Variants in CALD1 observed in about 807,000 individuals in gnomAD.
CALD1 encodes caldesmon 1.
A neutral mutation model predicts 99.9 loss-of-function variants in CALD1; 33 were observed. The observed-to-expected ratio is 0.33, with a 90% CI of 0.25 to 0.44. CALD1 has a LOEUF of 0.44. CALD1 is among the 20% of genes least tolerant of loss of function. The pLI, the probability that CALD1 is intolerant of heterozygous loss-of-function variation, is 1.00. For missense variants in CALD1, 861 were observed against 962.1 expected (o/e 0.89, Z 1.39); for synonymous variants, 310 against 325.0 (o/e 0.95, Z 0.50).
At chr7:134,842,116 G>A (rs938476229) in intron 1 of CALD1, among the ~76,000 whole-genome samples, 1 of 152,158 alleles carries the variant, frequency 6.6e-6, no homozygotes, top group Non-Finnish European at 1.5e-5. Flanking sequence ...CTCCATGGAA[G>A]CAGAGCCCTT....
At chr7:134,803,373 T>C (rs1383509619) in intron 1 of CALD1, among the ~76,000 whole-genome samples, 2 of 152,304 alleles carry the variant, frequency 1.3e-5, no homozygotes, top group South Asian at 2.1e-4. Context: ...ACAAAAGTTT[T>C]ATATTTTAAT....
intron 3 of CALD1, among the ~76,000 whole-genome samples, chr7:134,878,039 A>G (rs2132404096): frequency 6.6e-6 from 1 of 152,298 alleles, no homozygotes; most frequent in East Asian, 1.9e-4. Flanking sequence ...AACATTTCCA[A>G]TGCCCCAGGC....
intron 2 of CALD1, among the ~76,000 whole-genome samples, chr7:134,849,571 AT>A (rs1435300116): frequency 6.6e-6 from 1 of 152,004 alleles, no homozygotes; most frequent in Non-Finnish European, 1.5e-5. Flanking sequence ...TTCCTATTAT[AT>A]TTTTTATTGT....
intron 3 of CALD1, among the ~76,000 whole-genome samples, chr7:134,919,194 G>A (rs1476645625): frequency 3.3e-5 from 5 of 152,110 alleles, no homozygotes; most frequent in Non-Finnish European, 7.4e-5. Context: ...TTGGGGATCC[G>A]CCTGCCCTGG....
chr7:134,928,428 CAAAAAAAAA>C (rs11355152), intron 3 of CALD1, among the ~76,000 whole-genome samples: 319 of 55,670 alleles, frequency 5.7e-3, no homozygotes, highest in African/African-American at 0.021. Flanking sequence ...GACTGGGTCT[CAAAAAAAAA>C]AAAAAAAAAA....
chr7:134,923,036 G>A (rs1157648925), intron 3 of CALD1, among the ~76,000 whole-genome samples: 1 of 152,186 alleles, frequency 6.6e-6, no homozygotes, highest in Non-Finnish European at 1.5e-5. Context: ...ATAACATCAT[G>A]TGGTTATTAT....
intron 1 of CALD1, among the ~76,000 whole-genome samples, chr7:134,781,660 G>T (rs1797109638): frequency 6.6e-6 from 1 of 152,164 alleles, no homozygotes; most frequent in South Asian, 2.1e-4. Context: ...AGAACAAAAA[G>T]TCACTAAGAG....
intron 1 of CALD1, among the ~76,000 whole-genome samples, chr7:134,748,436 G>A (rs1391326691): frequency 1.3e-5 from 2 of 152,220 alleles, no homozygotes; most frequent in Non-Finnish European, 2.9e-5. Flanking sequence ...GAGGCTGGGC[G>A]CACTGGCTCA....
At chr7:134,843,164 A>G (rs1201754553) in intron 1 of CALD1, among the ~76,000 whole-genome samples, 1 of 152,158 alleles carries the variant, frequency 6.6e-6, no homozygotes. Flanking sequence ...TTCCCTGCAG[A>G]GACCTTTGGC....
At position 134,897,389 on chromosome 7, in the gene CALD1, A is replaced by AAT. The variant is rs772700602; in HGVS notation, c.71+29600_71+29601dup. ...TACCTATATACAATATATATATATA[A>AAT]ATATATATATATATATTTGAAGCAA... On this transcript the variant is annotated intron_variant, in intron 3 of 14. Coordinates refer to ENST00000361675, the MANE Select transcript of CALD1 (RefSeq NM_033138.4). Among the ~76,000 whole-genome samples, 352 of 146,624 alleles carry AAT rather than the reference A, an allele frequency of 2.4e-3. 3 individuals are homozygous for AAT. The East Asian group carries it at 0.026, about 11-fold the overall frequency.
chr7:134,819,775 C>G (rs924078875), intron 1 of CALD1, among the ~76,000 whole-genome samples: 3 of 152,176 alleles, frequency 2.0e-5, no homozygotes, highest in Admixed American at 6.5e-5. Flanking sequence ...ACTTGGGAGG[C>G]TGAGGCAGGA....
At chr7:134,757,990 T>C (rs1341523453) in intron 1 of CALD1, among the ~76,000 whole-genome samples, 2 of 152,232 alleles carry the variant, frequency 1.3e-5, no homozygotes, top group East Asian at 1.9e-4. Flanking sequence ...AGGCATCTAT[T>C]TGATGACAAT....
At chr7:134,724,944 G>A in the CALD1 span, among the ~76,000 whole-genome samples, 2 of 152,214 alleles carry the variant, frequency 1.3e-5, no homozygotes, top group Non-Finnish European at 2.9e-5. Flanking sequence ...TAACCAGGAG[G>A]CTGGCTTCTG....
chr7:134,788,558 T>C (rs1054458255), intron 1 of CALD1, among the ~76,000 whole-genome samples: 3 of 152,234 alleles, frequency 2.0e-5, no homozygotes, highest in African/African-American at 4.8e-5. Flanking sequence ...ATGCTTATGA[T>C]TGCATATTTG....
intron 1 of CALD1, among the ~76,000 whole-genome samples, chr7:134,821,285 T>C (rs1798762986): frequency 6.6e-6 from 1 of 152,136 alleles, no homozygotes; most frequent in African/African-American, 2.4e-5. Context: ...TTTAGTTTTT[T>C]TCATAATTTT....
intron 1 of CALD1, among the ~76,000 whole-genome samples, chr7:134,816,583 A>G (rs966180525): frequency 6.6e-6 from 1 of 152,154 alleles, no homozygotes; most frequent in Non-Finnish European, 1.5e-5. Context: ...CAATCAGTAG[A>G]CTGTTTTGTA....
At position 134,917,902 on chromosome 7, in the gene CALD1, A is replaced by G. The variant is rs184642515; in HGVS notation, c.72-10852A>G. Among the ~76,000 whole-genome samples, 124 of 152,332 alleles carry G rather than the reference A, an allele frequency of 8.1e-4. 1 individual carries two copies. Among genetic ancestry groups the G allele is most frequent in the African/African-American group, 2.8e-3 (116 of 41,572 alleles). ...TTCATTTCAGCTAAAGTTTAATTCA[A>G]GTAACTAAGTCAGGAGCAATAGATA... On this transcript the variant is annotated intron_variant, in intron 3 of 14. Coordinates refer to ENST00000361675, the MANE Select transcript of CALD1 (RefSeq NM_033138.4).
chr7:134,944,748 A>G (rs1272240356), intron 7 of CALD1, among the ~76,000 whole-genome samples: 1 of 152,194 alleles, frequency 6.6e-6, no homozygotes, highest in Non-Finnish European at 1.5e-5. Flanking sequence ...CTACTTGCTA[A>G]TAAGTATTTA....
chr7:134,962,857 T>C (rs1808382682), intron 13 of CALD1: 1 of 456,578 alleles, frequency 2.2e-6, no homozygotes, highest in Admixed American at 2.3e-5. Flanking sequence ...CTCTGGTTGA[T>C]TGGAAACCTG....
Sources: allele counts gnomAD v4.1 joint callset (sites outside exome capture counted in the v4.1 genomes callset), GRCh38; gene constraint gnomAD v4.1.1; transcripts MANE v1.5; gene names NCBI Gene and HGNC (gene_info 2026-07-23, HGNC 2026-07-21).